Variants in GLRA1 observed in about 807,000 individuals in gnomAD.
GLRA1 encodes glycine receptor alpha 1.
Under a neutral mutation model 48.3 loss-of-function variants are expected in GLRA1, and 37 were observed. The ratio of observed to expected loss-of-function variants is 0.77; its 90% CI spans 0.59 to 1.01. The LOEUF is 1.01. Ranked by LOEUF, GLRA1 falls within the 50% of genes least tolerant of loss-of-function variation. GLRA1 has a pLI of 0.00. For missense variants in GLRA1, 427 were observed against 571.0 expected (o/e 0.75, Z 2.57); for synonymous variants, 196 against 210.7 (o/e 0.93, Z 0.60).
chr5:151,920,448 A>G (rs1297349456), intron 1 of GLRA1, among the ~76,000 whole-genome samples: 1 of 152,128 alleles, frequency 6.6e-6, no homozygotes, highest in Non-Finnish European at 1.5e-5. Context: ...ACAATTTCCT[A>G]AATATCCTCT....
intron 1 of GLRA1, among the ~76,000 whole-genome samples, chr5:151,923,750 A>C (rs1379254731): frequency 6.6e-6 from 1 of 152,200 alleles, no homozygotes; most frequent in South Asian, 2.1e-4. Flanking sequence ...AAACAAAGCA[A>C]ATGAAGATTG....
intron 4 of GLRA1, among the ~76,000 whole-genome samples, chr5:151,857,429 G>A (rs964160588): frequency 6.6e-6 from 1 of 152,204 alleles, no homozygotes; most frequent in East Asian, 1.9e-4. Flanking sequence ...GGCTGCCCCT[G>A]TTCCTTACTC....
chr5:151,853,183 C>T (rs1366367621), intron 6 of GLRA1, among the ~76,000 whole-genome samples: 1 of 152,136 alleles, frequency 6.6e-6, no homozygotes, highest in African/African-American at 2.4e-5. Context: ...AGCAATGTGA[C>T]TAGAATTAAC....
intron 7 of GLRA1, among the ~76,000 whole-genome samples, chr5:151,832,009 G>T (rs1763439617): frequency 6.6e-6 from 1 of 152,218 alleles, no homozygotes; most frequent in South Asian, 2.1e-4. Context: ...GGCACACAGG[G>T]TCTGGAGTGG....
chr5:151,860,626 T>A (rs1350057476), intron 3 of GLRA1, among the ~76,000 whole-genome samples: 1 of 152,236 alleles, frequency 6.6e-6, no homozygotes, highest in Non-Finnish European at 1.5e-5. Context: ...GTTCATCCCA[T>A]TCGCTTTTAA....
intron 3 of GLRA1, among the ~76,000 whole-genome samples, chr5:151,861,510 C>G (rs1221108854): frequency 2.0e-5 from 3 of 152,178 alleles, no homozygotes; most frequent in African/African-American, 7.2e-5. Context: ...TGTCTGTTGG[C>G]TGCATAAATG....
chr5:151,847,245 A>G (rs1581610992), intron 7 of GLRA1, among the ~76,000 whole-genome samples: 3 of 152,352 alleles, frequency 2.0e-5, no homozygotes, highest in Middle Eastern at 3.4e-3. Flanking sequence ...TCTATTGTTG[A>G]GTGAATAGAG....
intron 3 of GLRA1, among the ~76,000 whole-genome samples, chr5:151,865,829 G>C (rs1051284644): frequency 6.6e-6 from 1 of 152,132 alleles, no homozygotes; most frequent in African/African-American, 2.4e-5. Flanking sequence ...TACTGGCAGC[G>C]CCTGCCCTAG....
At chr5:151,823,215 C>T (rs1203489632) in intron 8 of GLRA1, among the ~76,000 whole-genome samples, 1 of 152,100 alleles carries the variant, frequency 6.6e-6, no homozygotes, top group Non-Finnish European at 1.5e-5. Flanking sequence ...GACCTGTGTT[C>T]AAGTCCCAGC....
chr5:151,893,288 C>CTT lies in GLRA1; in HGVS notation c.57-852_57-851dup, dbSNP rs1364964542. Among the ~76,000 whole-genome samples, 10 of 41,246 alleles carry CTT rather than the reference C, an allele frequency of 2.4e-4. No homozygotes were observed. The South Asian group carries it at 9.5e-3, about 39-fold the overall frequency. 27.1% of individuals were successfully genotyped at this position (41,246 alleles called of 152,430 possible). On this transcript the variant is annotated intron_variant, in intron 1 of 8. Coordinates refer to ENST00000274576, the MANE Select transcript of GLRA1 (RefSeq NM_000171.4). ...CATGACCCTCCCTCTGCCCAACTTT[C>CTT]TTTCTTTCTTTCTTTCTTTCTTTCT...
At chr5:151,919,959 G>A (rs1312596661) in intron 1 of GLRA1, among the ~76,000 whole-genome samples, 1 of 152,230 alleles carries the variant, frequency 6.6e-6, no homozygotes, top group East Asian at 1.9e-4. Flanking sequence ...CAGGACGCGC[G>A]AACAGGCTGC....
intron 3 of GLRA1, among the ~76,000 whole-genome samples, chr5:151,883,336 T>C (rs923047722): frequency 6.6e-6 from 1 of 152,246 alleles, no homozygotes; most frequent in African/African-American, 2.4e-5. Flanking sequence ...TTGATGCACT[T>C]AGACTGTTGC....
At chr5:151,866,600 A>G (rs928674136) in intron 3 of GLRA1, among the ~76,000 whole-genome samples, 1 of 152,172 alleles carries the variant, frequency 6.6e-6, no homozygotes, top group African/African-American at 2.4e-5. Context: ...ATACCTTTTA[A>G]AGTCTTATCA....
chr5:151,911,513 T>G (rs1400379187), intron 1 of GLRA1, among the ~76,000 whole-genome samples: 1 of 152,172 alleles, frequency 6.6e-6, no homozygotes, highest in African/African-American at 2.4e-5. Context: ...GCTTAGCAAT[T>G]TTAAAAATAA....
intron 3 of GLRA1, among the ~76,000 whole-genome samples, chr5:151,869,408 A>T (rs1403567391): frequency 6.6e-6 from 1 of 150,926 alleles, no homozygotes; most frequent in African/African-American, 2.4e-5. Flanking sequence ...AGAACTTTCT[A>T]TGTATCATAT....
chr5:151,896,131 C>G (rs191031989), intron 1 of GLRA1, among the ~76,000 whole-genome samples: 1 of 152,186 alleles, frequency 6.6e-6, no homozygotes, highest in Non-Finnish European at 1.5e-5. Flanking sequence ...GCATAACATG[C>G]CATTTAATAC....
chr5:151,851,629 C>A, intron 6 of GLRA1, 25 bp from the exon 7 acceptor site: 3 of 1,514,332 alleles, frequency 2.0e-6, no homozygotes, highest in South Asian at 1.1e-5. Context: ...AGTGAGAAGG[C>A]AGTGTAGCCT....
chr5:151,866,986 C>T (rs184920841), intron 3 of GLRA1, among the ~76,000 whole-genome samples: 1 of 152,224 alleles, frequency 6.6e-6, no homozygotes. Context: ...TGGTGCACGA[C>T]TGTAGTCCCA....
intron 1 of GLRA1, among the ~76,000 whole-genome samples, chr5:151,923,461 G>T (rs781115155): frequency 3.9e-5 from 6 of 152,182 alleles, no homozygotes; most frequent in Non-Finnish European, 7.3e-5. Context: ...TGAGAGGCAG[G>T]CATCTAAAAT....
Sources: gnomAD v4.1 joint callset for allele counts (sites outside exome capture counted in the v4.1 genomes callset) on GRCh38, gnomAD v4.1.1 for gene constraint, MANE v1.5 for transcripts, NCBI Gene and HGNC (gene_info 2026-07-23, HGNC 2026-07-21) for gene names.